DMBT1: variants seen among roughly 807,000 people sequenced by gnomAD.
DMBT1 encodes deleted in malignant brain tumors 1, also known as scavenger receptor cysteine-rich domain-containing protein DMBT1.
A neutral mutation model predicts 252.9 loss-of-function variants in DMBT1; 198 were observed. The ratio of observed to expected loss-of-function variants is 0.78; its 90% CI spans 0.70 to 0.88. The LOEUF is 0.88. Among genes scored for constraint, DMBT1 ranks in the 40% least tolerant of loss-of-function variants. The pLI, the probability that DMBT1 is intolerant of heterozygous loss-of-function variation, is 0.00. For synonymous variants in DMBT1, 990 were observed against 942.7 expected (o/e 1.05, Z -0.92); for missense variants, 2,432 against 2,404.7 (o/e 1.01, Z -0.24).
In DMBT1 at chr10:122,618,109, G is replaced by A. The variant is rs752348276; in HGVS notation, c.4984G>A (p.Val1662Met). The A allele has an allele frequency of 7.4e-6, 12 of 1,613,834 alleles. No homozygotes were observed. The South Asian group carries it at 7.7e-5, about 10-fold the overall frequency. ...EVLYQGSWGT[V>M]CDDYWDTNDA... is the part of the protein sequence containing the mutation. ...CCTATACCAAGGCTCCTGGGGCACCGTGTGTGATGACTACTGGGACACCAA... is the reference window on the plus strand; with the variant it reads ...CCTATACCAAGGCTCCTGGGGCACCATGTGTGATGACTACTGGGACACCAA... The change falls in exon 41 of 56, where the codon GTG becomes ATG. Residue 1662 changes from valine to methionine, a missense_variant. Val to Met is a conservative substitution (Grantham distance 21). Coordinates refer to ENST00000338354, the MANE Select transcript of DMBT1 (RefSeq NM_001377530.1).
intron 46 of DMBT1, among the ~76,000 whole-genome samples, chr10:122,626,936 C>G (rs1302868892): frequency 1.3e-5 from 2 of 151,986 alleles, no homozygotes; most frequent in Non-Finnish European, 2.9e-5. Context: ...TTTGAAGGCC[C>G]TAGGGTGGGA....
Position 122,642,939 on chromosome 10 carries a change from C to G in DMBT1, c.7353-183C>G, listed in dbSNP as rs889783556. 3.9e-5 allele frequency among the ~76,000 whole-genome samples: 6 copies of G among 152,082 alleles called. No homozygotes were observed. In the East Asian group the frequency reaches 7.7e-4, roughly 20 times the overall value. On this transcript the variant is annotated intron_variant, in intron 55 of 55. Transcript: ENST00000338354. ...GGATGGCGGTGAGGTACCGGAGCTG[C>G]CAGGATTTCTCTGCAGGCCCCTCAG...
intron 44 of DMBT1, among the ~76,000 whole-genome samples, chr10:122,622,242 C>T (rs2098077099): frequency 3.3e-5 from 5 of 152,188 alleles, no homozygotes; most frequent in Admixed American, 3.3e-4. Flanking sequence ...GGTGAAACTC[C>T]TGGGTCTTGC....
intron 5 of DMBT1, among the ~76,000 whole-genome samples, chr10:122,572,689 T>C (rs566855505): frequency 6.6e-6 from 1 of 152,156 alleles, no homozygotes; most frequent in East Asian, 1.9e-4. Flanking sequence ...AAGTTGGATG[T>C]GGTGGAGGTA....
At chr10:122,561,899 C>CTCTCTGTCTCTG (rs57816388) in intron 1 of DMBT1, among the ~76,000 whole-genome samples, 3 of 148,364 alleles carry the variant, frequency 2.0e-5, no homozygotes, top group Admixed American at 6.7e-5. Flanking sequence ...TATCACCTTT[C>CTCTCTGTCTCTG]TCTCTGTCTC....
intron 44 of DMBT1, among the ~76,000 whole-genome samples, chr10:122,622,485 T>C (rs1208246327): frequency 6.6e-6 from 1 of 152,232 alleles, no homozygotes; most frequent in African/African-American, 2.4e-5. Flanking sequence ...TTTTTCCCCA[T>C]GCTTTGCTTA....
chr10:122,637,357 C>T, intron 54 of DMBT1, 45 bp downstream of exon 54: 2 of 1,534,816 alleles, frequency 1.3e-6, no homozygotes, highest in South Asian at 1.2e-5. Context: ...CACAAGCTTT[C>T]TTAGAGCGGT....
chr10:122,625,920 T>C lies in DMBT1; in HGVS notation c.5636-13T>C, dbSNP rs764393785. On this transcript the variant is annotated splice_polypyrimidine_tract_variant and intron_variant, in intron 45 of 55. Transcript: ENST00000338354. ...TCTACTAAAATCCTAAACAGCTTCA[T>C]TTTTTTTTCTAGATTGGTGGCATCC... The C allele has an allele frequency of 6.3e-7, 1 of 1,582,026 alleles. No homozygotes were observed. Among genetic ancestry groups the C allele is most frequent in the Admixed American group, 1.7e-5 (1 of 59,702 alleles).
intron 44 of DMBT1, among the ~76,000 whole-genome samples, chr10:122,622,191 G>A (rs973917575): frequency 6.6e-6 from 1 of 152,168 alleles, no homozygotes; most frequent in African/African-American, 2.4e-5. Context: ...TATAAGGAGC[G>A]TCTTTGAATC....
chr10:122,622,935 A>G (rs531057489), intron 44 of DMBT1, among the ~76,000 whole-genome samples: 1 of 152,190 alleles, frequency 6.6e-6, no homozygotes, highest in East Asian at 1.9e-4. Context: ...TTACCCCTCT[A>G]TCCTGAGATG....
intron 1 of DMBT1, among the ~76,000 whole-genome samples, chr10:122,561,963 C>G (rs2097551066): frequency 6.6e-6 from 1 of 151,866 alleles, no homozygotes; most frequent in Non-Finnish European, 1.5e-5. Context: ...TCCTCTCTCT[C>G]TCTATCTGTT....
intron 17 of DMBT1, among the ~76,000 whole-genome samples, chr10:122,590,116 C>T (rs566643762): frequency 6.7e-6 from 1 of 148,450 alleles, no homozygotes; most frequent in African/African-American, 2.4e-5. Context: ...CCGCTGAGGC[C>T]CAGTAAGGAG....
At position 122,578,714 on chromosome 10, in the gene DMBT1, A is replaced by T. The variant is rs146388922; in HGVS notation, c.638-4A>T. On this transcript the variant is annotated splice_polypyrimidine_tract_variant and splice_region_variant and intron_variant, in intron 8 of 55. Coordinates refer to ENST00000338354, the MANE Select transcript of DMBT1 (RefSeq NM_001377530.1). ...GTATCCTTTCTCTTTGTTGCTGTTT[A>T]CAGAAAGTTGGCCTGTCAGGATATC... The T allele has an allele frequency of 1.2e-6, 2 of 1,607,472 alleles. No homozygotes were observed. Among genetic ancestry groups the T allele is most frequent in the African/African-American group, 2.7e-5 (2 of 74,926 alleles).
intron 2 of DMBT1, among the ~76,000 whole-genome samples, chr10:122,569,448 CT>C (rs1349744130): frequency 6.6e-6 from 1 of 152,146 alleles, no homozygotes; most frequent in Non-Finnish European, 1.5e-5. Flanking sequence ...TGTTGATTTC[CT>C]TTGTTTGCGT....
rs1023589245 is a variant in DMBT1, at chr10:122,589,332, T to C, written c.2107+65T>C. 33 of 1,574,810 alleles carry C rather than the reference T, an allele frequency of 2.1e-5. 3 individuals carry two copies. The highest frequency in any genetic ancestry group is 2.7e-5 in the Non-Finnish European group (31 of 1,157,580). On this transcript the variant is annotated intron_variant, in intron 17 of 55. Transcript: ENST00000338354. ...ATTTTGCCCAGGAAGAGAGGTCTTA[T>C]GTTCTAATCTCCTCACTCAGAGCTT...
Position 122,621,112 on chromosome 10 carries a change from C to T in DMBT1, c.5340C>T (p.Gly1780=), listed in dbSNP as rs1427401621. 1.2e-6 allele frequency: 2 copies of T among 1,613,612 alleles called. No homozygotes were observed. Among genetic ancestry groups the T allele is most frequent in the South Asian group, 2.2e-5 (2 of 91,046 alleles). ...RLVNGGDRCR[G]RVEVLYRGSW... is the part of the protein sequence containing the mutation. ...TGAATGGAGGTGACAGGTGTCGAGG[C>T]CGAGTGGAGGTCCTGTATCGAGGCT... Residue 1780 remains glycine (G), a synonymous_variant, in exon 44 of 56, where the codon GGC becomes GGT. Coordinates refer to ENST00000338354, the MANE Select transcript of DMBT1 (RefSeq NM_001377530.1).
intron 41 of DMBT1, 44 bp from the exon 42 acceptor site, chr10:122,619,264 C>G (rs757417007): frequency 1.2e-6 from 2 of 1,613,572 alleles, no homozygotes; most frequent in East Asian, 2.2e-5. Context: ...TTGCCATTTT[C>G]TGTATAGTGC....
At chr10:122,565,934 A>T (rs1160553759) in intron 1 of DMBT1, 33 bp from the exon 2 acceptor site, 5 of 1,611,302 alleles carry the variant, frequency 3.1e-6, no homozygotes, top group Non-Finnish European at 4.2e-6. Flanking sequence ...ATTTCTAAAC[A>T]GTGTTTCTAA....
rs1380981050 is a variant in DMBT1 at position 122,586,666 on chromosome 10, T to G, written c.1783+283T>G. Among the ~76,000 whole-genome samples, 9 of 148,038 alleles carry G rather than the reference T, an allele frequency of 6.1e-5. 1 individual carries two copies. Among genetic ancestry groups the G allele is most frequent in the Admixed American group, 6.1e-4 (9 of 14,866 alleles). ...GACGAAAGCGCCGGGTCTTTGCCTT[T>G]TAGTGTGGCTGGAAAGGAATAGCTG... is the stretch of plus-strand genomic sequence containing the variant. On this transcript the variant is annotated intron_variant, in intron 16 of 55. Coordinates refer to ENST00000338354, the MANE Select transcript of DMBT1 (RefSeq NM_001377530.1).
Sources: gnomAD v4.1 joint callset for allele counts (sites outside exome capture counted in the v4.1 genomes callset) on GRCh38, gnomAD v4.1.1 for gene constraint, MANE v1.5 for transcripts, NCBI Gene and HGNC (gene_info 2026-07-23, HGNC 2026-07-21) for gene names.